Variants in CHRD observed in about 807,000 individuals in gnomAD.
CHRD encodes chordin.
In CHRD, 69 loss-of-function variants were observed where a neutral mutation model predicts 113.7. That is an observed-to-expected ratio of 0.61 (90% CI 0.50 to 0.74). The LOEUF (loss-of-function observed/expected upper bound fraction) is 0.74, where lower values mean the gene tolerates loss of function less well. CHRD is among the 30% of genes least tolerant of loss of function. The pLI is 0.00. For synonymous variants in CHRD, 561 were observed against 540.8 expected (o/e 1.04, Z -0.52); for missense variants, 1,194 against 1,295.8 (o/e 0.92, Z 1.21).
Position 184,389,348 on chromosome 3 carries a change from C to G in CHRD, c.2813-19C>G. The G allele has an allele frequency of 1.2e-6, 2 of 1,612,170 alleles. No individual in the cohort carries two copies. The highest frequency in any genetic ancestry group is 2.2e-5 in the South Asian group (2 of 90,734). On this transcript the variant is annotated intron_variant, in intron 22 of 22. Coordinates refer to ENST00000204604, the Ensembl canonical transcript of CHRD. ...ACTCCCTCTCCCCTCCTCCAACATTCCCTCCCTTCTGTCTCCAGCAGCCCC... is the reference window on the plus strand; with the variant it reads ...ACTCCCTCTCCCCTCCTCCAACATTGCCTCCCTTCTGTCTCCAGCAGCCCC...
chr3:184,384,913 G>T lies in CHRD; in HGVS notation c.1598-105G>T. 1.5e-6 allele frequency: 2 copies of T among 1,314,722 alleles called. No individual in the cohort carries two copies. The highest frequency in any genetic ancestry group is 1.1e-6 in the Non-Finnish European group (1 of 933,906). The allele number at this position is 1,314,722 out of a possible 1,614,324, so 81.4% of individuals were successfully genotyped here. A position where few individuals can be genotyped will look rare whatever the true frequency, so the allele number is the denominator to read the frequency against. On this transcript the variant is annotated intron_variant, in intron 13 of 22. Transcript: ENST00000204604. This position sits in a 1 kb window ranked among gnomAD's most constrained non-coding sequence, Gnocchi z 4.4. The stretch of plus-strand genomic sequence containing the variant: ...TCCAGGCCCTGGACCTATGGACAGT[G>T]TCTTCCAGCTCGTGGAATGTGTGCT...
chr3:184,389,111 A>G, intron 22 of CHRD, 116 bp downstream of exon 22: 1 of 754,438 alleles, frequency 1.3e-6, no homozygotes, highest in Non-Finnish European at 2.2e-6. Flanking sequence ...CCTGCCTCAC[A>G]AGTGCCATTC....
chr3:184,387,379 T>C lies in CHRD; in HGVS notation c.2353T>C (p.Tyr785His). 6.2e-7 allele frequency: 1 copy of C among 1,610,160 alleles called. No individual in the cohort carries two copies. The change falls in exon 19 of 23, where the codon TAT becomes CAT. Residue 785 changes from tyrosine to histidine, a missense_variant. Tyr to His is a moderately conservative substitution (Grantham distance 83). Coordinates refer to ENST00000204604, the Ensembl canonical transcript of CHRD. This position sits in a 1 kb window ranked among gnomAD's most constrained non-coding sequence, Gnocchi z 6.1. ...TGGGCCCTGTTCCCCACCAGGCTGCTATTTTGATGGTGACCGGAGCTGGCG... is the reference window on the plus strand; with the variant it reads ...TGGGCCCTGTTCCCCACCAGGCTGCCATTTTGATGGTGACCGGAGCTGGCG...
chr3:184,384,610 TG>T lies in CHRD; in HGVS notation c.1517del (p.Gly506AlafsTer33). ...CTGCAGAATGAGCTCTTCCTGAACG[TG>T]GGCACCAAGGACTTCCCAGACGGAG... On this transcript the variant is annotated frameshift_variant, in exon 13 of 23. Transcript: ENST00000204604. LOFTEE classifies it high-confidence loss of function. The surrounding 1 kb of genome is among the most constrained non-coding windows in gnomAD (Gnocchi z 4.4). 6.2e-7 allele frequency: 1 copy of T among 1,609,964 alleles called. No individual in the cohort carries two copies. The highest frequency in any genetic ancestry group is 8.5e-7 in the Non-Finnish European group (1 of 1,178,140).
intron 17 of CHRD, 47 bp downstream of exon 17, chr3:184,386,985 A>T: frequency 6.2e-7 from 1 of 1,613,956 alleles, no homozygotes; most frequent in Non-Finnish European, 8.5e-7. Context: ...CCCAGTGCGG[A>T]CAGGTCCTTT....
At position 184,380,366 on chromosome 3, in the gene CHRD, G is replaced by A; in HGVS notation, c.48G>A (p.Leu16=). 1 of 1,353,754 alleles carries A rather than the reference G, an allele frequency of 7.4e-7. No homozygotes were observed. The highest frequency in any genetic ancestry group is 9.6e-7 in the Non-Finnish European group (1 of 1,042,848). The allele number at this position is 1,353,754 out of a possible 1,614,324, so 83.9% of individuals were successfully genotyped here. A position where few individuals can be genotyped will look rare whatever the true frequency, so the allele number is the denominator to read the frequency against. ...CGGCCCCGCTGCTGCTCCTCGGGCT[G>A]CTGCTGCTCGGCTCCCGGCCGGCCC... Residue 16 remains leucine (L), a synonymous_variant, in exon 1 of 23, where the codon CTG becomes CTA. Transcript: ENST00000204604. This position sits in a 1 kb window ranked among gnomAD's most constrained non-coding sequence, Gnocchi z 6.3.
At position 184,380,503 on chromosome 3, in the gene CHRD, C is replaced by G; in HGVS notation, c.148+37C>G. 1 of 1,117,430 alleles carries G rather than the reference C, an allele frequency of 8.9e-7. No individual in the cohort carries two copies. The highest frequency in any genetic ancestry group is 1.1e-6 in the Non-Finnish European group (1 of 911,372). The allele number at this position is 1,117,430 out of a possible 1,614,324, so 69.2% of individuals were successfully genotyped here. ...CCCGGGGGAGGCGCGGGCGGGGAGTCGGGCTCGGGGCGAGTCAGCGCCAGC... is the reference window on the plus strand; with the variant it reads ...CCCGGGGGAGGCGCGGGCGGGGAGTGGGGCTCGGGGCGAGTCAGCGCCAGC... On this transcript the variant is annotated intron_variant, in intron 1 of 22. Coordinates refer to ENST00000204604, the Ensembl canonical transcript of CHRD. The surrounding 1 kb of genome is among the most constrained non-coding windows in gnomAD (Gnocchi z 6.3).
In CHRD at chr3:184,384,927, G is replaced by A; in HGVS notation, c.1598-91G>A. ...CTATGGACAGTGTCTTCCAGCTCGT[G>A]GAATGTGTGCTGGGGAGCTGGGAAT... On this transcript the variant is annotated intron_variant, in intron 13 of 22. Coordinates refer to ENST00000204604, the Ensembl canonical transcript of CHRD. The surrounding 1 kb of genome is among the most constrained non-coding windows in gnomAD (Gnocchi z 4.4). 7.3e-7 allele frequency: 1 copy of A among 1,374,484 alleles called. No individual in the cohort carries two copies. The highest frequency in any genetic ancestry group is 1.2e-5 in the South Asian group (1 of 80,238). 85.1% of individuals were successfully genotyped at this position (1,374,484 alleles called of 1,614,324 possible).
chr3:184,385,871 A>C (rs1021867551), intron 14 of CHRD, among the ~76,000 whole-genome samples, 175 bp from the exon 15 acceptor site: 1 of 152,028 alleles, frequency 6.6e-6, no homozygotes, highest in South Asian at 2.1e-4. Flanking sequence ...GTGAGTTCTC[A>C]TGGACTTGGT....
At chr3:184,385,143 G>T (rs754194740) in exon 14 of CHRD, 3 of 1,614,076 alleles carry the variant, frequency 1.9e-6, no homozygotes, top group African/African-American at 1.3e-5. Context: ...GGCTGGGCTT[G>T]GTGGCTCAGA....
intron 14 of CHRD, among the ~76,000 whole-genome samples, 198 bp downstream of exon 14, chr3:184,385,436 G>T (rs1021546347): frequency 1.3e-5 from 2 of 152,146 alleles, no homozygotes; most frequent in Non-Finnish European, 2.9e-5. Context: ...GGGAGGCCAG[G>T]TGGGTGGATC....
At chr3:184,382,323 G>T in intron 6 of CHRD, 66 bp from the exon 7 acceptor site, 2 of 1,597,734 alleles carry the variant, frequency 1.3e-6, no homozygotes, top group Non-Finnish European at 8.6e-7. Flanking sequence ...AGCCCTGCCT[G>T]GGCATCCTAA....
chr3:184,382,518 G>C (rs1355445151), exon 7 of CHRD: 2 of 1,613,914 alleles, frequency 1.2e-6, no homozygotes, highest in Non-Finnish European at 1.7e-6. Flanking sequence ...CCGGCACCGG[G>C]CCCTGGCTGC....
rs1329661767 is a variant in CHRD at position 184,381,443 on chromosome 3, C to A, written c.383-53C>A. 18 of 1,595,014 alleles carry A rather than the reference C, an allele frequency of 1.1e-5. No individual in the cohort carries two copies. Among genetic ancestry groups the A allele is most frequent in the Admixed American group, 8.5e-5 (5 of 58,796 alleles). On this transcript the variant is annotated intron_variant, in intron 3 of 22. Coordinates refer to ENST00000204604, the Ensembl canonical transcript of CHRD. This position sits in a 1 kb window ranked among gnomAD's most constrained non-coding sequence, Gnocchi z 4.7. ...CGGGCCACTTGGATGGGGCGTCGGA[C>A]TGGCCTTTCCCATGGCCAGCTGAAG... is the stretch of plus-strand genomic sequence containing the variant.
chr3:184,380,209 CGCCGCA>C lies in CHRD; in HGVS notation c.-109_-104del. 2.7e-5 allele frequency: 7 copies of C among 255,558 alleles called. No homozygotes were observed. The highest frequency in any genetic ancestry group is 3.8e-5 in the Non-Finnish European group (6 of 156,918). 15.8% of individuals were successfully genotyped at this position (255,558 alleles called of 1,614,324 possible). A position where few individuals can be genotyped will look rare whatever the true frequency, so the allele number is the denominator to read the frequency against. ...CCCGGCCCCGGCCCCGGCCCCCTCC[CGCCGCA>C]CCGCCCCCGGCCCGGCCCTCCGCCC... On this transcript the variant is annotated 5_prime_UTR_variant, in exon 1 of 23. Transcript: ENST00000204604. The surrounding 1 kb of genome is among the most constrained non-coding windows in gnomAD (Gnocchi z 6.3).
chr3:184,381,339 A>T lies in CHRD; in HGVS notation c.357A>T (p.Gly119=), dbSNP rs776406416. 6 of 1,602,770 alleles carry T rather than the reference A, an allele frequency of 3.7e-6. No individual in the cohort carries two copies. In the South Asian group the frequency reaches 5.6e-5, roughly 15 times the overall value. The change falls in exon 3 of 23, where the codon GGA becomes GGT. Residue 119 remains glycine, a synonymous_variant. Transcript: ENST00000204604. This position sits in a 1 kb window ranked among gnomAD's most constrained non-coding sequence, Gnocchi z 4.7. The stretch of plus-strand genomic sequence containing the variant: ...GTGGGCAGCCGCGCCAGCTGCCGGG[A>T]CACTGCTGCCAGACCTGCCCCCAGG...
chr3:184,384,573 G>T lies in CHRD; in HGVS notation c.1477G>T (p.Ala493Ser). ...CTGCCCTGGGCTGGGTGCCCGAGGGGCTCATATGCTGCTGCAGAATGAGCT... is the reference window on the plus strand; with the variant it reads ...CTGCCCTGGGCTGGGTGCCCGAGGGTCTCATATGCTGCTGCAGAATGAGCT... The change falls in exon 13 of 23, where the codon GCT becomes TCT. Residue 493 changes from alanine (A) to serine (S), a missense_variant. Coordinates refer to ENST00000204604, the Ensembl canonical transcript of CHRD. The surrounding 1 kb of genome is among the most constrained non-coding windows in gnomAD (Gnocchi z 4.4). 1.2e-6 allele frequency: 2 copies of T among 1,600,670 alleles called. No individual in the cohort carries two copies. The highest frequency in any genetic ancestry group is 1.7e-6 in the Non-Finnish European group (2 of 1,173,744).
Position 184,382,781 on chromosome 3 carries a change from G to A in CHRD, c.982+7G>A, listed in dbSNP as rs751222864. On this transcript the variant is annotated splice_region_variant and intron_variant, in intron 8 of 22. Transcript: ENST00000204604. ...CTGGAACCCAGGAGTGGGGGTAAGT[G>A]GGATGGGGGCAAAACACGTGAGAAG... The A allele has an allele frequency of 3.1e-6, 5 of 1,613,712 alleles. No individual in the cohort carries two copies. Among genetic ancestry groups the A allele is most frequent in the Non-Finnish European group, 3.4e-6 (4 of 1,179,830 alleles).
At chr3:184,389,474 G>A in exon 23 of CHRD, 2 of 1,561,928 alleles carry the variant, frequency 1.3e-6, no homozygotes, top group Non-Finnish European at 1.8e-6. Flanking sequence ...AGCTGGGGAA[G>A]GGGTGGCATC....
Sources: gnomAD v4.1 joint callset for allele counts (sites outside exome capture counted in the v4.1 genomes callset) on GRCh38, gnomAD v4.1.1 for gene constraint, Gnocchi (gnomAD v3.1) non-coding constraint, MANE v1.5 for transcripts, NCBI Gene and HGNC (gene_info 2026-07-23, HGNC 2026-07-21) for gene names.